HLCS: variants seen among roughly 807,000 people sequenced by gnomAD.
HLCS encodes the protein biotin--protein ligase.
HLCS carries 53 observed loss-of-function variants against 75.0 expected under a neutral mutation model. That is an observed-to-expected ratio of 0.71 (90% confidence interval 0.57 to 0.89). The LOEUF (loss-of-function observed/expected upper bound fraction) is 0.89. Ranked by LOEUF, HLCS falls within the 40% of genes least tolerant of loss-of-function variation. The pLI, the probability that HLCS is intolerant of heterozygous loss-of-function variation, is 0.00. For missense variants in HLCS, 966 were observed against 1,074.0 expected, an observed-to-expected ratio of 0.90 and a Z score of 1.41; for synonymous variants, 431 against 428.6, an observed-to-expected ratio of 1.01 and a Z score of -0.07.
At chr21:36,887,947 A>G (rs1227619440) in intron 6 of HLCS, among the ~76,000 whole-genome samples, 1 of 152,234 alleles carries the variant, frequency 6.6e-6, no homozygotes, top group Admixed American at 6.5e-5. Flanking sequence ...TGAATAATCA[A>G]GGGATTTCAA....
chr21:36,885,324 T>C (rs1405426927), intron 6 of HLCS, among the ~76,000 whole-genome samples: 2 of 151,896 alleles, frequency 1.3e-5, no homozygotes, highest in Non-Finnish European at 2.9e-5. Context: ...CTGGGTAACA[T>C]AGTGGGACCC....
At chr21:36,801,156 A>G (rs544708348) in intron 6 of HLCS, among the ~76,000 whole-genome samples, 1 of 152,320 alleles carries the variant, frequency 6.6e-6, no homozygotes, top group African/African-American at 2.4e-5. Flanking sequence ...AAAATTAAAG[A>G]CCAGACTGGT....
At chr21:36,850,767 T>C (rs2146137366) in intron 6 of HLCS, among the ~76,000 whole-genome samples, 1 of 152,288 alleles carries the variant, frequency 6.6e-6, no homozygotes, top group African/African-American at 2.4e-5. Context: ...AACAGGTATG[T>C]GAGTCCTGGT....
At chr21:36,923,051 C>T (rs929095784) in intron 5 of HLCS, among the ~76,000 whole-genome samples, 1 of 152,238 alleles carries the variant, frequency 6.6e-6, no homozygotes, top group Non-Finnish European at 1.5e-5. Context: ...GGCGCCCCAC[C>T]GCCGCACCCA....
At chr21:36,950,367 C>G (rs902274147) in intron 2 of HLCS, among the ~76,000 whole-genome samples, 1 of 151,922 alleles carries the variant, frequency 6.6e-6, no homozygotes, top group Admixed American at 6.6e-5. Flanking sequence ...AAGACACGCT[C>G]AAGACAGACA....
chr21:36,843,343 T>C (rs1289423687), intron 6 of HLCS, among the ~76,000 whole-genome samples: 1 of 152,066 alleles, frequency 6.6e-6, no homozygotes, highest in African/African-American at 2.4e-5. Context: ...GAGGCTGAGG[T>C]AGGGCGATCA....
chr21:36,762,382 G>A (rs1396156845), intron 8 of HLCS, among the ~76,000 whole-genome samples: 1 of 152,068 alleles, frequency 6.6e-6, no homozygotes, highest in East Asian at 1.9e-4. Context: ...GAGGGAGGGT[G>A]CGGGGCCCGG....
At chr21:36,759,266 C>G in intron 9 of HLCS, 1 of 466,318 alleles carries the variant, frequency 2.1e-6, no homozygotes, top group South Asian at 1.6e-5. Context: ...TAAGGTGAAA[C>G]AGGGATTCTT....
chr21:36,814,867 C>T (rs1463607450), intron 6 of HLCS, among the ~76,000 whole-genome samples: 1 of 152,072 alleles, frequency 6.6e-6, no homozygotes, highest in Non-Finnish European at 1.5e-5. Context: ...TTCCAGCCTC[C>T]TTTATTCCAG....
intron 5 of HLCS, among the ~76,000 whole-genome samples, chr21:36,900,734 T>C (rs55887820): frequency 0.34 from 51,928 of 151,848 alleles, 9,172 homozygotes; most frequent in Middle Eastern, 0.46. Flanking sequence ...GCAGCAGACA[T>C]GGTGAGAAAG....
At chr21:36,807,851 CA>C (rs2061405120) in intron 6 of HLCS, among the ~76,000 whole-genome samples, 1 of 152,080 alleles carries the variant, frequency 6.6e-6, no homozygotes, top group Non-Finnish European at 1.5e-5. Context: ...TCTCATGACT[CA>C]ATATATAACT....
At chr21:36,772,221 AT>A (rs1164098149) in intron 6 of HLCS, among the ~76,000 whole-genome samples, 1 of 152,126 alleles carries the variant, frequency 6.6e-6, no homozygotes, top group Non-Finnish European at 1.5e-5. Flanking sequence ...AAAATTTTTT[AT>A]TTTGGAGCTC....
Position 36,877,065 on chromosome 21 carries a change from C to T in HLCS, c.1892+19795G>A, listed in dbSNP as rs1171869367. On this transcript the variant is annotated intron_variant, in intron 6 of 10. Transcript: ENST00000674895. ...ATTTTGTCTGCTGCTTAAAAAGTCA[C>T]TCCAACCTCCTTAGGCTGTTAATGT... Among the ~76,000 whole-genome samples, 15 of 152,218 alleles carry T rather than the reference C, an allele frequency of 9.9e-5. No homozygotes were observed. The East Asian group carries it at 2.5e-3, about 25-fold the overall frequency.
At chr21:36,963,598 C>T (rs1402476773) in intron 1 of HLCS, among the ~76,000 whole-genome samples, 1 of 151,922 alleles carries the variant, frequency 6.6e-6, no homozygotes, top group South Asian at 2.1e-4. Flanking sequence ...ACTAAAAATA[C>T]AAAATTAGCC....
intron 2 of HLCS, among the ~76,000 whole-genome samples, chr21:36,941,011 T>G (rs567875808): frequency 6.6e-6 from 1 of 152,260 alleles, no homozygotes; most frequent in South Asian, 2.1e-4. Flanking sequence ...CAGGAGTTCA[T>G]GACTAGCCTG....
chr21:36,905,821 G>A (rs1396438813), intron 5 of HLCS, among the ~76,000 whole-genome samples: 1 of 152,142 alleles, frequency 6.6e-6, no homozygotes, highest in Non-Finnish European at 1.5e-5. Flanking sequence ...GGAGGCCAAA[G>A]TGGGTGGATC....
chr21:36,811,398 T>C (rs1414650039), intron 6 of HLCS, among the ~76,000 whole-genome samples: 1 of 152,204 alleles, frequency 6.6e-6, no homozygotes, highest in Non-Finnish European at 1.5e-5. Context: ...TCAAAAACTA[T>C]AACCTACTGC....
chr21:36,939,694 G>A (rs1221926348), intron 2 of HLCS, among the ~76,000 whole-genome samples: 1 of 152,170 alleles, frequency 6.6e-6, no homozygotes, highest in South Asian at 2.1e-4. Context: ...ACAGAAGACC[G>A]TGACACTGGG....
intron 6 of HLCS, among the ~76,000 whole-genome samples, chr21:36,821,108 C>T (rs1426662686): frequency 1.3e-5 from 2 of 152,144 alleles, no homozygotes; most frequent in Non-Finnish European, 2.9e-5. Flanking sequence ...CTGACAGCAT[C>T]GTCCTCCTGT....
Sources: gnomAD v4.1 joint callset for allele counts (sites outside exome capture counted in the v4.1 genomes callset) on GRCh38, gnomAD v4.1.1 for gene constraint, MANE v1.5 for transcripts, NCBI Gene and HGNC (gene_info 2026-07-23, HGNC 2026-07-21) for gene names.